CRADD: variants seen among roughly 807,000 people sequenced by gnomAD.
The protein encoded by CRADD is CARD and death domain containing adaptor protein, also known as death domain-containing protein CRADD.
In CRADD, 9 loss-of-function variants were observed where a neutral mutation model predicts 15.5. The observed-to-expected ratio is 0.58, with a 90% CI of 0.35 to 1.01. The LOEUF (loss-of-function observed/expected upper bound fraction) is 1.01. CRADD is among the 50% of genes least tolerant of loss of function. The probability of loss-of-function intolerance (pLI) is 0.02; values close to 1 mark genes in which losing one functional copy is unlikely to be tolerated. For synonymous variants in CRADD, 118 were observed against 107.6 expected (o/e 1.10, Z -0.60); for missense variants, 227 against 250.3 (o/e 0.91, Z 0.63).
intron 2 of CRADD, among the ~76,000 whole-genome samples, chr12:93,874,741 G>C (rs1218991257): frequency 6.6e-6 from 1 of 151,922 alleles, no homozygotes; most frequent in African/African-American, 2.4e-5. Context: ...AATTCCTCTT[G>C]TTATTGATTT....
At chr12:93,838,809 C>T (rs534428713) in intron 2 of CRADD, among the ~76,000 whole-genome samples, 69 of 151,840 alleles carry the variant, frequency 4.5e-4, no homozygotes, top group Non-Finnish European at 7.5e-4. Context: ...AGCTGAAGTT[C>T]GATCAGTGAC....
intron 2 of CRADD, among the ~76,000 whole-genome samples, chr12:93,823,430 G>A (rs1957790627): frequency 1.3e-5 from 2 of 152,054 alleles, no homozygotes; most frequent in Non-Finnish European, 2.9e-5. Flanking sequence ...TAATAAGTTA[G>A]CTCCATCCCC....
At chr12:93,712,428 A>C (rs537038826) in intron 2 of CRADD, among the ~76,000 whole-genome samples, 105 of 152,336 alleles carry the variant, frequency 6.9e-4, no homozygotes, top group African/African-American at 2.4e-3. Flanking sequence ...TGTCATACAC[A>C]GTAGGTCCTT....
intron 2 of CRADD, chr12:93,838,117 C>T (rs929988132): frequency 6.6e-6 from 1 of 151,542 alleles, no homozygotes; most frequent in African/African-American, 2.4e-5. Context: ...AAAGACTAAA[C>T]ATGATTTCTC....
At chr12:93,747,734 A>G (rs1024209878) in intron 2 of CRADD, among the ~76,000 whole-genome samples, 26 of 152,262 alleles carry the variant, frequency 1.7e-4, no homozygotes, top group South Asian at 8.3e-4. Context: ...CCAAGGTGCT[A>G]GGATTACAGG....
chr12:93,791,895 A>ATTTTTTT (rs34088777), intron 2 of CRADD, among the ~76,000 whole-genome samples: 1 of 137,202 alleles, frequency 7.3e-6, no homozygotes. Context: ...GTCCTAATGG[A>ATTTTTTT]TTTTTTTTTT....
intron 2 of CRADD, among the ~76,000 whole-genome samples, chr12:93,754,658 C>T (rs963993063): frequency 6.6e-6 from 1 of 152,188 alleles, no homozygotes; most frequent in African/African-American, 2.4e-5. Context: ...AGTTCCTTAT[C>T]TCCATCTGAG....
At chr12:93,868,832 G>A (rs537885726) in intron 2 of CRADD, among the ~76,000 whole-genome samples, 4 of 152,178 alleles carry the variant, frequency 2.6e-5, no homozygotes, top group Non-Finnish European at 4.4e-5. Context: ...AAGAATTAGA[G>A]GCTTGAGTAC....
intron 2 of CRADD, among the ~76,000 whole-genome samples, chr12:93,811,035 G>A (rs1299684774): frequency 8.4e-6 from 1 of 119,218 alleles, no homozygotes; most frequent in Non-Finnish European, 1.8e-5. Context: ...GGGGATGTCA[G>A]TGACTTTTCC....
At chr12:93,813,709 G>T (rs748232579) in intron 2 of CRADD, among the ~76,000 whole-genome samples, 1 of 152,118 alleles carries the variant, frequency 6.6e-6, no homozygotes, top group African/African-American at 2.4e-5. Context: ...GTCATGACAT[G>T]GGCTTGACCT....
At chr12:93,818,993 AATTC>A (rs1248577752) in intron 2 of CRADD, among the ~76,000 whole-genome samples, 3 of 152,252 alleles carry the variant, frequency 2.0e-5, no homozygotes, top group Admixed American at 6.5e-5. Context: ...ACAATTAGCC[AATTC>A]ATTATGTTGA....
intron 2 of CRADD, among the ~76,000 whole-genome samples, chr12:93,737,535 T>G (rs10859569): frequency 0.35 from 53,617 of 152,118 alleles, 11,179 homozygotes; most frequent in East Asian, 0.61. Flanking sequence ...AGCAGTCTGT[T>G]GTATGGAACT....
chr12:93,744,315 A>G (rs1026658984), intron 2 of CRADD, among the ~76,000 whole-genome samples: 2 of 152,306 alleles, frequency 1.3e-5, no homozygotes, highest in South Asian at 4.1e-4. Context: ...CTTGGAGAGC[A>G]CTAACTGCTG....
chr12:93,753,045 G>T (rs750590558), intron 2 of CRADD, among the ~76,000 whole-genome samples: 3 of 152,098 alleles, frequency 2.0e-5, no homozygotes, highest in Middle Eastern at 3.4e-3. Context: ...CCTCCCACTG[G>T]GTTCTTCCCA....
chr12:93,746,527 T>G (rs1247442343), intron 2 of CRADD, among the ~76,000 whole-genome samples: 1 of 152,206 alleles, frequency 6.6e-6, no homozygotes, highest in Non-Finnish European at 1.5e-5. Flanking sequence ...ATGAAAACTT[T>G]TATCATGAAG....
intron 2 of CRADD, among the ~76,000 whole-genome samples, chr12:93,808,138 G>A (rs1957566256): frequency 6.6e-6 from 1 of 151,948 alleles, no homozygotes; most frequent in Non-Finnish European, 1.5e-5. Context: ...CTGTGTAGAA[G>A]GAGCTGTGTG....
At chr12:93,857,599 T>C (rs1958285794) in intron 2 of CRADD, among the ~76,000 whole-genome samples, 1 of 152,224 alleles carries the variant, frequency 6.6e-6, no homozygotes, top group African/African-American at 2.4e-5. Flanking sequence ...TGGGAATACC[T>C]GAGGCTGGGT....
At chr12:93,884,742 C>T (rs763471075) in intron 2 of CRADD, among the ~76,000 whole-genome samples, 15 of 152,064 alleles carry the variant, frequency 9.9e-5, no homozygotes, top group Non-Finnish European at 1.9e-4. Flanking sequence ...CTTTCCCAGT[C>T]GAGTGACAAG....
intron 2 of CRADD, among the ~76,000 whole-genome samples, chr12:93,805,239 AT>A (rs1158688570): frequency 1.3e-5 from 2 of 152,118 alleles, no homozygotes; most frequent in East Asian, 3.9e-4. Context: ...TGTAATACAG[AT>A]TTCAGCCTTA....
Sources: allele counts gnomAD v4.1 joint callset (sites outside exome capture counted in the v4.1 genomes callset), GRCh38; gene constraint gnomAD v4.1.1; transcripts MANE v1.5; gene names NCBI Gene and HGNC (gene_info 2026-07-23, HGNC 2026-07-21).